The following MAST2 variants were observed in gnomAD, a reference collection of about 807,000 sequenced individuals.
The protein encoded by MAST2 is microtubule associated serine/threonine kinase 2, also known as microtubule-associated serine/threonine-protein kinase 2.
MAST2 carries 70 observed loss-of-function variants against 147.4 expected under a neutral mutation model. The ratio of observed to expected loss-of-function variants is 0.47; its 90% CI spans 0.39 to 0.58. MAST2 has a LOEUF of 0.58. MAST2 is among the 20% of genes least tolerant of loss of function. MAST2 has a pLI of 0.00. For missense variants in MAST2, 2,080 were observed against 2,302.3 expected (o/e 0.90, Z 1.98); for synonymous variants, 869 against 896.8 (o/e 0.97, Z 0.55).
Position 45,879,521 on chromosome 1 carries a change from C to T in MAST2, c.469-2843C>T, listed in dbSNP as rs554654797. ...CCAGGAGGTGGAGGTTGCCGCACGC[C>T]GAGATTGCACCACTGCGCTCCAGCC... On this transcript the variant is annotated intron_variant, in intron 3 of 28. Transcript: ENST00000361297. 7.4e-4 allele frequency among the ~76,000 whole-genome samples: 101 copies of T among 136,948 alleles called. 1 individual carries two copies. Among genetic ancestry groups the T allele is most frequent in the African/African-American group, 2.6e-3 (94 of 36,838 alleles). The allele number at this position is 136,948 out of a possible 152,430, so 89.8% of individuals were successfully genotyped here. A position where few individuals can be genotyped will look rare whatever the true frequency, so the allele number is the denominator to read the frequency against.
intron 4 of MAST2, among the ~76,000 whole-genome samples, chr1:45,936,150 G>A (rs752735973): frequency 1.1e-4 from 16 of 152,168 alleles, no homozygotes; most frequent in Non-Finnish European, 1.9e-4. Flanking sequence ...TATTCGTTAT[G>A]TGGTTATTGT....
intron 6 of MAST2, chr1:46,001,093 G>A: frequency 1.2e-6 from 1 of 834,846 alleles, no homozygotes; most frequent in Non-Finnish European, 1.7e-6. Context: ...TTCTCTGACT[G>A]TGGGTATGAA....
chr1:45,829,477 A>C lies in MAST2; in HGVS notation c.364A>C (p.Ser122Arg), dbSNP rs1417650356. 2 of 1,614,190 alleles carry C rather than the reference A, an allele frequency of 1.2e-6. No individual in the cohort carries two copies. Among genetic ancestry groups the C allele is most frequent in the Admixed American group, 3.3e-5 (2 of 60,014 alleles). Reference sequence around the variant, plus strand: ...CCCTTTGTCCAGCAGTGTACATAGCAGTGTGGGACAGGTGACTTGGCAGTC... The same window carrying C: ...CCCTTTGTCCAGCAGTGTACATAGCCGTGTGGGACAGGTGACTTGGCAGTC... ...LLPLSSSVHS[S>R]VGQVTWQSSG... Residue 122 changes from serine to arginine, a missense_variant, in exon 3 of 29, where the codon AGT (serine) becomes CGT (arginine). This residue lies in a region of MAST2 where 569 missense variants were observed against 642.5 expected (regional missense o/e 0.89). Coordinates refer to ENST00000361297, the MANE Select transcript of MAST2 (RefSeq NM_015112.3).
Position 45,847,547 on chromosome 1 carries a change from A to G in MAST2, c.468+17966A>G, listed in dbSNP as rs916392326. The G allele has an allele frequency of 6.0e-6, 5 of 826,534 alleles. No individual in the cohort carries two copies. In the African/African-American group the frequency reaches 7.0e-5, roughly 12 times the overall value. The allele number at this position is 826,534 out of a possible 1,614,324, so 51.2% of individuals were successfully genotyped here. A position where few individuals can be genotyped will look rare whatever the true frequency, so the allele number is the denominator to read the frequency against. On this transcript the variant is annotated intron_variant, in intron 3 of 28. Coordinates refer to ENST00000361297, the MANE Select transcript of MAST2 (RefSeq NM_015112.3). The stretch of plus-strand genomic sequence containing the variant: ...CTCTCATAATTTGAGCTGCTTTTCT[A>G]CTATATGGATGAATGACTTTTTTTC...
In MAST2 at chr1:45,824,535, G is replaced by T; in HGVS notation, c.280G>T (p.Asp94Tyr). 1 of 1,610,054 alleles carries T rather than the reference G, an allele frequency of 6.2e-7. No homozygotes were observed. The highest frequency in any genetic ancestry group is 1.1e-5 in the South Asian group (1 of 90,294). ...TAAACTTCAGCGACAACTGAGTCAG[G>T]ATGATTGTAAGTTATGGAGAGGAAA... is the stretch of plus-strand genomic sequence containing the variant. The part of the protein sequence containing the change: ...KVKLQRQLSQ[D>Y]DCKLWRGNLA... Residue 94 changes from aspartate to tyrosine, a missense_variant, in exon 2 of 29, where the codon GAT (aspartate) becomes TAT (tyrosine). This residue lies in a region of MAST2 where 569 missense variants were observed against 642.5 expected (regional missense o/e 0.89). Transcript: ENST00000361297.
intron 5 of MAST2, among the ~76,000 whole-genome samples, chr1:45,984,655 C>A (rs572924341): frequency 2.4e-4 from 36 of 152,206 alleles, no homozygotes; most frequent in African/African-American, 8.4e-4. Flanking sequence ...AATTAAAAAA[C>A]CAAACCACAG....
At chr1:45,934,238 A>C (rs1655839392) in intron 4 of MAST2, among the ~76,000 whole-genome samples, 1 of 152,204 alleles carries the variant, frequency 6.6e-6, no homozygotes, top group South Asian at 2.1e-4. Flanking sequence ...TGTTGCTGTA[A>C]AGAACATAAT....
At chr1:45,964,169 A>C (rs566179798) in intron 5 of MAST2, among the ~76,000 whole-genome samples, 1 of 152,198 alleles carries the variant, frequency 6.6e-6, no homozygotes, top group East Asian at 1.9e-4. Flanking sequence ...ATATTGGTCT[A>C]AAATTCTCTT....
intron 5 of MAST2, among the ~76,000 whole-genome samples, chr1:45,968,273 C>T (rs1045993128): frequency 1.3e-5 from 2 of 152,220 alleles, no homozygotes; most frequent in Non-Finnish European, 2.9e-5. Flanking sequence ...CATCACTTCT[C>T]CAGTGTGCTT....
At position 45,884,545 on chromosome 1, in the gene MAST2, C is replaced by A. The variant is rs186369818; in HGVS notation, c.500+2150C>A. 8.6e-5 allele frequency among the ~76,000 whole-genome samples: 13 copies of A among 151,978 alleles called. No homozygotes were observed. In the East Asian group the frequency reaches 2.5e-3, roughly 29 times the overall value. On this transcript the variant is annotated intron_variant, in intron 4 of 28. Coordinates refer to ENST00000361297, the MANE Select transcript of MAST2 (RefSeq NM_015112.3). ...CCAGCCTGGGCGACAGAGTGATGCG[C>A]CGTCAAAAAATAAATAAATAAATAA...
At chr1:45,811,515 A>AT in intron 1 of MAST2, among the ~76,000 whole-genome samples, 1 of 148,230 alleles carries the variant, frequency 6.7e-6, no homozygotes, top group South Asian at 2.1e-4. Flanking sequence ...ATTTTTTTGT[A>AT]TTTTTAGTAG....
intron 1 of MAST2, among the ~76,000 whole-genome samples, chr1:45,818,179 G>C (rs1644514456): frequency 6.6e-6 from 1 of 152,160 alleles, no homozygotes; most frequent in Non-Finnish European, 1.5e-5. Context: ...GTTGACCAAT[G>C]CTGGTGTCAG....
In MAST2 at chr1:46,030,658, C is replaced by T. The variant is rs755350919; in HGVS notation, c.2605C>T (p.Pro869Ser). The change falls in exon 22 of 29, where the codon CCC becomes TCC. Residue 869 changes from proline (P) to serine (S), a missense_variant. Coordinates refer to ENST00000361297, the MANE Select transcript of MAST2 (RefSeq NM_015112.3). ...ACTGCTCGAGGAGCGCCGGACACCA[C>T]CCCCGACCAAGCGCAGCCTGAGTGA... is the stretch of plus-strand genomic sequence containing the variant. The part of the protein sequence containing the change: ...LSLLEERRTP[P>S]PTKRSLSEEK... 2.5e-6 allele frequency: 4 copies of T among 1,611,506 alleles called. No homozygotes were observed. Among genetic ancestry groups the T allele is most frequent in the South Asian group, 1.1e-5 (1 of 90,488 alleles).
intron 12 of MAST2, 60 bp from the exon 13 acceptor site, chr1:46,022,850 G>A: frequency 8.0e-7 from 1 of 1,243,958 alleles, no homozygotes; most frequent in South Asian, 1.2e-5. Flanking sequence ...GTGATCTGAG[G>A]ATACTGCTGA....
chr1:45,962,330 C>A (rs1352658887), intron 5 of MAST2, among the ~76,000 whole-genome samples: 1 of 151,846 alleles, frequency 6.6e-6, no homozygotes, highest in Non-Finnish European at 1.5e-5. Flanking sequence ...GTTCTAGATC[C>A]CTGAGGAATC....
chr1:45,943,147 T>C (rs1296712590), intron 4 of MAST2, among the ~76,000 whole-genome samples: 1 of 152,168 alleles, frequency 6.6e-6, no homozygotes, highest in Non-Finnish European at 1.5e-5. Flanking sequence ...AATAGAGACA[T>C]AATGGTATGG....
intron 4 of MAST2, among the ~76,000 whole-genome samples, chr1:45,938,158 C>T (rs1656579276): frequency 6.6e-6 from 1 of 152,086 alleles, no homozygotes. Flanking sequence ...TTGGATAGAC[C>T]ATATTTTGTT....
rs6666763 is a variant in MAST2 at position 45,970,779 on chromosome 1, C to T, written c.592+11302C>T. 4.8e-5 allele frequency among the ~76,000 whole-genome samples: 7 copies of T among 146,214 alleles called. No homozygotes were observed. In the South Asian group the frequency reaches 1.1e-3, roughly 22 times the overall value. ...AGTGGTTCATCCTGTGATGTCACTT[C>T]GCTGACAGACTAAGAAGTGTTTTTT... On this transcript the variant is annotated intron_variant, in intron 5 of 28. Coordinates refer to ENST00000361297, the MANE Select transcript of MAST2 (RefSeq NM_015112.3).
intron 10 of MAST2, among the ~76,000 whole-genome samples, chr1:46,017,285 G>A (rs1476847312): frequency 3.3e-5 from 5 of 152,182 alleles, no homozygotes; most frequent in African/African-American, 9.6e-5. Context: ...CATGTCTAAA[G>A]CACCAAAAGC....
Sources: gnomAD v4.1 joint callset for allele counts (sites outside exome capture counted in the v4.1 genomes callset) on GRCh38, gnomAD v4.1.1 for gene constraint, gnomAD v4.1.1 regional missense constraint, MANE v1.5 for transcripts, NCBI Gene and HGNC (gene_info 2026-07-23, HGNC 2026-07-21) for gene names.